CYFIP1: variants seen among roughly 807,000 people sequenced by gnomAD.
The protein encoded by CYFIP1 is cytoplasmic FMR1 interacting protein 1.
Under a neutral mutation model 163.5 loss-of-function variants are expected in CYFIP1, and 58 were observed. The observed-to-expected ratio is 0.35, with a 90% CI of 0.29 to 0.44. The LOEUF (loss-of-function observed/expected upper bound fraction) is 0.44. CYFIP1 is among the 20% of genes least tolerant of loss of function. The probability of loss-of-function intolerance (pLI) is 1.00; values close to 1 mark genes in which losing one functional copy is unlikely to be tolerated. For synonymous variants in CYFIP1, 663 were observed against 660.7 expected, an observed-to-expected ratio of 1.00 and a Z score of -0.05; for missense variants, 1,338 against 1,653.8, an observed-to-expected ratio of 0.81 and a Z score of 3.31.
intron 1 of CYFIP1, among the ~76,000 whole-genome samples, chr15:22,961,545 AT>A (rs1253278342): frequency 1.3e-5 from 2 of 151,674 alleles, no homozygotes; most frequent in African/African-American, 2.4e-5. Flanking sequence ...CGTCTGGCTA[AT>A]TTTTTTGATT....
At chr15:22,899,768 C>T (rs2060338780) in intron 22 of CYFIP1, among the ~76,000 whole-genome samples, 1 of 151,916 alleles carries the variant, frequency 6.6e-6, no homozygotes. Flanking sequence ...GTATGTTCGT[C>T]CAGGTGCAGT....
intron 18 of CYFIP1, among the ~76,000 whole-genome samples, chr15:22,911,359 T>C (rs2060781943): frequency 6.6e-6 from 1 of 152,162 alleles, no homozygotes; most frequent in South Asian, 2.1e-4. Flanking sequence ...TCAACAAGGC[T>C]CTCTTCACTG....
chr15:22,971,963 T>G (rs1252608861), intron 1 of CYFIP1, among the ~76,000 whole-genome samples: 1 of 152,156 alleles, frequency 6.6e-6, no homozygotes, highest in Non-Finnish European at 1.5e-5. Context: ...CAAAGCAATC[T>G]ACAGATTCAA....
chr15:22,963,280 C>T (rs7180871), intron 1 of CYFIP1, among the ~76,000 whole-genome samples: 2,788 of 152,088 alleles, frequency 0.018, 74 homozygotes, highest in East Asian at 0.11. Context: ...CAGAGGCGGG[C>T]GATCACCTGA....
chr15:22,870,809 A>G (rs1167918722), intron 30 of CYFIP1, among the ~76,000 whole-genome samples: 2 of 152,214 alleles, frequency 1.3e-5, no homozygotes. Context: ...GTCAGTGGAG[A>G]AAGGCCAGTC....
rs1427656414 is a variant in CYFIP1, at chr15:22,872,850, C to T, written c.3572G>A (p.Gly1191Asp). ...YHLLKVQKHDGKDEIIKNVPL... is the reference protein window; with the variant it reads ...YHLLKVQKHDDKDEIIKNVPL... ...CACATTTTTAATAATCTCATCTTTG[C>T]CATCATGTTTCTGGACTTTAAGTAG... Residue 1191 changes from glycine (G) to aspartate (D), a missense_variant, in exon 30 of 31, where the codon GGC becomes GAC. Physicochemically the swap from Gly to Asp is moderately conservative, Grantham distance 94 (BLOSUM62 -1). This residue lies in a region of CYFIP1 where 306 missense variants were observed against 322.1 expected (regional missense o/e 0.95). Coordinates refer to ENST00000617928, the MANE Select transcript of CYFIP1 (RefSeq NM_014608.6). The T allele has an allele frequency of 6.2e-7, 1 of 1,614,026 alleles. No homozygotes were observed. The highest frequency in any genetic ancestry group is 1.7e-5 in the Admixed American group (1 of 60,006).
intron 22 of CYFIP1, among the ~76,000 whole-genome samples, chr15:22,895,420 G>A (rs185787025): frequency 6.6e-6 from 1 of 152,282 alleles, no homozygotes; most frequent in Admixed American, 6.5e-5. Context: ...CAAAGTGCCG[G>A]TATTACAGGT....
intron 13 of CYFIP1, among the ~76,000 whole-genome samples, chr15:22,923,875 T>A (rs2061269435): frequency 7.3e-6 from 1 of 136,440 alleles, no homozygotes; most frequent in African/African-American, 2.9e-5. Flanking sequence ...CCCAGAAGAT[T>A]GAGGCTGCAA....
chr15:22,926,001 T>A lies in CYFIP1; in HGVS notation c.1340A>T (p.Glu447Val). 6.2e-7 allele frequency: 1 copy of A among 1,613,860 alleles called. No individual in the cohort carries two copies. The highest frequency in any genetic ancestry group is 8.5e-7 in the Non-Finnish European group (1 of 1,179,836). ...CCTCACCTCCACTAGGGCAAACTTC[T>A]CCTCGCTGGTGTAGTTGTAGCGCGT... Reference protein sequence around the residue: ...RATRYNYTSEEKFALVEVIAM... With the variant: ...RATRYNYTSEVKFALVEVIAM... The change falls in exon 13 of 31, where the codon GAG becomes GTG. Residue 447 changes from glutamate to valine, a missense_variant. Physicochemically the swap from Glu to Val is moderately radical, Grantham distance 121. Around this residue, in one of 4 missense-constraint regions of CYFIP1, gnomAD observed 824 missense variants for 995.7 expected, o/e 0.83. Transcript: ENST00000617928.
chr15:22,943,980 T>C (rs971859012), intron 5 of CYFIP1, among the ~76,000 whole-genome samples: 2 of 152,106 alleles, frequency 1.3e-5, no homozygotes, highest in Non-Finnish European at 2.9e-5. Context: ...GGCTCACACC[T>C]GTAATCTCAG....
rs142564471 is a variant in CYFIP1, at chr15:22,939,101, T to C, written c.795+91A>G. 1,110 of 1,511,976 alleles carry C rather than the reference T, an allele frequency of 7.3e-4. 15 individuals are homozygous for C. In the East Asian group the frequency reaches 0.023, roughly 31 times the overall value. 93.7% of individuals were successfully genotyped at this position (1,511,976 alleles called of 1,614,324 possible). On this transcript the variant is annotated intron_variant, in intron 8 of 30. Transcript: ENST00000617928. ...TGACAGCATGCAAATAAGACACAGC[T>C]GTCAAAAGGATTCTAGATAAAGCAC...
chr15:22,932,425 C>G (rs763657950), intron 10 of CYFIP1, 85 bp from the exon 11 acceptor site: 5 of 820,400 alleles, frequency 6.1e-6, no homozygotes, highest in Non-Finnish European at 9.2e-6. Flanking sequence ...CTGTTTGGCA[C>G]CAGAGCCACA....
At chr15:22,946,198 G>A (rs893421061) in intron 3 of CYFIP1, among the ~76,000 whole-genome samples, 2 of 151,962 alleles carry the variant, frequency 1.3e-5, no homozygotes, top group Non-Finnish European at 2.9e-5. Flanking sequence ...CAGCTACTCA[G>A]GAGGCAGAGG....
At chr15:22,954,154 T>A (rs534298901) in intron 1 of CYFIP1, among the ~76,000 whole-genome samples, 2 of 152,240 alleles carry the variant, frequency 1.3e-5, no homozygotes, top group East Asian at 3.9e-4. Context: ...GCTTGGGGCC[T>A]GATCAGAGCA....
chr15:22,882,276 G>T (rs943413469), intron 24 of CYFIP1, among the ~76,000 whole-genome samples: 2 of 152,230 alleles, frequency 1.3e-5, no homozygotes, highest in Non-Finnish European at 2.9e-5. Flanking sequence ...CCCCCAGGAC[G>T]CTGTCTGTGC....
intron 1 of CYFIP1, among the ~76,000 whole-genome samples, chr15:22,954,266 A>T (rs559571691): frequency 7.2e-5 from 11 of 152,082 alleles, no homozygotes; most frequent in African/African-American, 2.2e-4. Context: ...CTGATCTCAG[A>T]CTCCCAGCTC....
intron 21 of CYFIP1, among the ~76,000 whole-genome samples, chr15:22,908,674 G>T (rs909999820): frequency 6.6e-6 from 1 of 151,574 alleles, no homozygotes; most frequent in Non-Finnish European, 1.5e-5. Flanking sequence ...GACTACAGGT[G>T]CCTGCCACCA....
intron 1 of CYFIP1, among the ~76,000 whole-genome samples, chr15:22,971,637 T>C (rs1487740626): frequency 2.1e-5 from 3 of 143,152 alleles, no homozygotes; most frequent in African/African-American, 6.0e-5. Flanking sequence ...GATTGCGCCA[T>C]TGCACTCTAG....
At chr15:22,883,113 G>A (rs1471271903) in intron 23 of CYFIP1, 102 bp from the exon 24 acceptor site, 30 of 1,387,462 alleles carry the variant, frequency 2.2e-5, no homozygotes, top group East Asian at 4.9e-5. Context: ...TCAGGTGAGC[G>A]GGTCTGAGTC....
Sources: gnomAD v4.1 joint callset for allele counts (sites outside exome capture counted in the v4.1 genomes callset) on GRCh38, gnomAD v4.1.1 for gene constraint, gnomAD v4.1.1 regional missense constraint, MANE v1.5 for transcripts, NCBI Gene and HGNC (gene_info 2026-07-23, HGNC 2026-07-21) for gene names.